Variants in MTFR1 observed in about 807,000 individuals in gnomAD.
MTFR1 encodes mitochondrial fission regulator 1.
A neutral mutation model predicts 38.8 loss-of-function variants in MTFR1; 28 were observed. The ratio of observed to expected loss-of-function variants is 0.72; its 90% CI spans 0.53 to 0.99. MTFR1 has a LOEUF of 0.99. MTFR1 is among the 50% of genes least tolerant of loss of function. The pLI, the probability that MTFR1 is intolerant of heterozygous loss-of-function variation, is 0.00. For synonymous variants in MTFR1, 145 were observed against 137.0 expected (o/e 1.06, Z -0.41); for missense variants, 358 against 395.5 (o/e 0.91, Z 0.81).
intron 1 of MTFR1, among the ~76,000 whole-genome samples, chr8:65,666,924 T>C (rs185455350): frequency 6.4e-4 from 98 of 152,298 alleles, no homozygotes; most frequent in Admixed American, 6.1e-3. Context: ...CAGATACACA[T>C]ACTGTATATC....
intron 3 of MTFR1, among the ~76,000 whole-genome samples, chr8:65,753,492 A>G (rs566698632): frequency 6.6e-6 from 1 of 152,326 alleles, no homozygotes; most frequent in South Asian, 2.1e-4. Flanking sequence ...TTAGCTTTGT[A>G]CTTCAGGGTG....
intron 3 of MTFR1, chr8:65,722,703 AT>A (rs1345182760): frequency 6.6e-6 from 1 of 152,156 alleles, no homozygotes; most frequent in East Asian, 1.9e-4. Flanking sequence ...CATTTTCATT[AT>A]GCTTTCTATA....
intron 3 of MTFR1, among the ~76,000 whole-genome samples, chr8:65,752,772 T>C (rs1808027235): frequency 6.6e-6 from 1 of 152,206 alleles, no homozygotes; most frequent in African/African-American, 2.4e-5. Flanking sequence ...AATCAGACAC[T>C]CTAAACTGTC....
intron 3 of MTFR1, among the ~76,000 whole-genome samples, chr8:65,726,387 T>C (rs1168428661): frequency 6.6e-6 from 1 of 152,212 alleles, no homozygotes; most frequent in Non-Finnish European, 1.5e-5. Context: ...CCTATAGCTC[T>C]AGAAGTGTGA....
chr8:65,743,578 G>T (rs1223408802), intron 3 of MTFR1, among the ~76,000 whole-genome samples: 3 of 152,128 alleles, frequency 2.0e-5, no homozygotes, highest in African/African-American at 7.2e-5. Flanking sequence ...ATAGACAAAG[G>T]TATTTCCACT....
intron 3 of MTFR1, chr8:65,682,906 G>T (rs1274333776): frequency 2.0e-6 from 2 of 985,190 alleles, no homozygotes; most frequent in African/African-American, 1.7e-5. Flanking sequence ...TTAATTATAG[G>T]ATCCATTGCC....
At chr8:65,719,754 T>C (rs947715781) in intron 3 of MTFR1, 7 of 456,906 alleles carry the variant, frequency 1.5e-5, no homozygotes, top group Non-Finnish European at 2.8e-5. Context: ...TGGTTATCCT[T>C]CTCAGTGGCA....
chr8:65,763,395 G>C (rs1808608450), intron 3 of MTFR1, among the ~76,000 whole-genome samples: 2 of 152,218 alleles, frequency 1.3e-5, no homozygotes, highest in South Asian at 2.1e-4. Context: ...GTGAAACCCT[G>C]TCTCTACTAA....
chr8:65,667,010 C>A (rs1022253), intron 1 of MTFR1, among the ~76,000 whole-genome samples: 29,189 of 152,126 alleles, frequency 0.19, 2,961 homozygotes, highest in Middle Eastern at 0.23. Flanking sequence ...CGCGGTGGCT[C>A]ACACCTTAAT....
At chr8:65,687,157 T>C (rs1025281400) in intron 3 of MTFR1, among the ~76,000 whole-genome samples, 1 of 152,120 alleles carries the variant, frequency 6.6e-6, no homozygotes, top group African/African-American at 2.4e-5. Flanking sequence ...ATAGTGACCA[T>C]GCAAGAGATA....
chr8:65,759,260 T>A (rs1199250901), intron 3 of MTFR1, among the ~76,000 whole-genome samples: 5 of 152,116 alleles, frequency 3.3e-5, no homozygotes, highest in African/African-American at 1.2e-4. Context: ...GGCTCCAAAA[T>A]GGGGGTGAGG....
intron 1 of MTFR1, among the ~76,000 whole-genome samples, chr8:65,648,615 AT>A (rs532032947): frequency 1.3e-5 from 2 of 152,014 alleles, no homozygotes; most frequent in African/African-American, 2.4e-5. Context: ...TCATTAAAAA[AT>A]TTTTTTTCTG....
At chr8:65,698,675 A>G (rs1230889497) in intron 4 of MTFR1, among the ~76,000 whole-genome samples, 1 of 151,696 alleles carries the variant, frequency 6.6e-6, no homozygotes, top group Non-Finnish European at 1.5e-5. Context: ...CTCAATAGGT[A>G]GTTTTTTGAT....
intron 3 of MTFR1, among the ~76,000 whole-genome samples, chr8:65,735,232 C>T (rs1368326118): frequency 2.6e-5 from 4 of 152,192 alleles, no homozygotes; most frequent in Admixed American, 6.5e-5. Context: ...AACACAATCG[C>T]CGAGTGAGCG....
At chr8:65,759,464 C>T (rs982498646) in intron 3 of MTFR1, among the ~76,000 whole-genome samples, 7 of 152,104 alleles carry the variant, frequency 4.6e-5, no homozygotes, top group Non-Finnish European at 1.0e-4. Context: ...GGCCATATCC[C>T]CACAGGCCAC....
At chr8:65,660,861 T>G (rs1809394417) in intron 1 of MTFR1, among the ~76,000 whole-genome samples, 1 of 152,174 alleles carries the variant, frequency 6.6e-6, no homozygotes, top group Admixed American at 6.5e-5. Flanking sequence ...AACTGTGGTA[T>G]CTCCGTAAAA....
At chr8:65,723,730 C>T (rs1806491615) in intron 3 of MTFR1, 3 of 726,290 alleles carry the variant, frequency 4.1e-6, no homozygotes, top group East Asian at 6.8e-5. Context: ...CATACTTAAT[C>T]CTCATGAGAG....
the MTFR1 span, among the ~76,000 whole-genome samples, chr8:65,776,593 C>T: frequency 6.6e-6 from 1 of 152,068 alleles, no homozygotes; most frequent in African/African-American, 2.4e-5. Flanking sequence ...TAATCACTTA[C>T]AGTTTTCTAT....
chr8:65,764,201 A>G (rs1013766457), intron 3 of MTFR1, among the ~76,000 whole-genome samples: 2 of 152,144 alleles, frequency 1.3e-5, no homozygotes, highest in Admixed American at 1.3e-4. Context: ...GGGACATGGG[A>G]TTATTGTTTC....
Sources: allele counts gnomAD v4.1 joint callset (sites outside exome capture counted in the v4.1 genomes callset), GRCh38; gene constraint gnomAD v4.1.1; transcripts MANE v1.5; gene names NCBI Gene and HGNC (gene_info 2026-07-23, HGNC 2026-07-21).